Variants in PAFAH2 observed in about 807,000 individuals in gnomAD.
PAFAH2 encodes the protein platelet activating factor acetylhydrolase 2.
Under a neutral mutation model 49.0 loss-of-function variants are expected in PAFAH2, and 42 were observed. The ratio of observed to expected loss-of-function variants is 0.86; its 90% confidence interval spans 0.67 to 1.11. The LOEUF (loss-of-function observed/expected upper bound fraction) is 1.11. Among genes scored for constraint, PAFAH2 ranks in the 50% least tolerant of loss-of-function variants. The pLI, the probability that PAFAH2 is intolerant of heterozygous loss-of-function variation, is 0.00. For missense variants in PAFAH2, 503 were observed against 501.8 expected (o/e 1.00, Z -0.02); for synonymous variants, 184 against 181.3 (o/e 1.01, Z -0.12).
Position 25,976,665 on chromosome 1 carries a change from A to T in PAFAH2, c.758+17T>A. ...GGTGTATGGAGCTAAGCACAGCAAC[A>T]CTACTAGGAAACTCACCGAAATTGG... is the stretch of plus-strand genomic sequence containing the variant. On this transcript the variant is annotated intron_variant, in intron 8 of 10. Transcript: ENST00000374282. 6.3e-7 allele frequency: 1 copy of T among 1,586,204 alleles called. No homozygotes were observed. The highest frequency in any genetic ancestry group is 8.7e-7 in the Non-Finnish European group (1 of 1,154,408).
intron 10 of PAFAH2, among the ~76,000 whole-genome samples, chr1:25,963,287 T>A (rs1436034441): frequency 6.6e-6 from 1 of 152,198 alleles, no homozygotes; most frequent in Admixed American, 6.5e-5. Flanking sequence ...CACACTCTGT[T>A]CTTTGAGCTA....
chr1:25,980,611 T>TTTTATATATATA lies in PAFAH2; in HGVS notation c.666+1752_666+1753insTATATATATAAA, dbSNP rs369555868. On this transcript the variant is annotated intron_variant, in intron 7 of 10. Transcript: ENST00000374282. ...CGTGAGCCACCGCACTGGGCCATAT[T>TTTTATATATATA]TATATATATATATATATATATTTTA... is the stretch of plus-strand genomic sequence containing the variant. Among the ~76,000 whole-genome samples the TTTTATATATATA allele has an allele frequency of 5.3e-3, 395 of 74,198 alleles. 4 individuals carry two copies. Among genetic ancestry groups the TTTTATATATATA allele is most frequent in the African/African-American group, 0.011 (346 of 31,754 alleles). 48.7% of individuals were successfully genotyped at this position (74,198 alleles called of 152,430 possible). A position where few individuals can be genotyped will look rare whatever the true frequency, so the allele number is the denominator to read the frequency against.
intron 10 of PAFAH2, among the ~76,000 whole-genome samples, chr1:25,968,786 G>A (rs2049465812): frequency 1.3e-5 from 2 of 152,232 alleles, no homozygotes; most frequent in South Asian, 4.1e-4. Context: ...GTGGAGTGCA[G>A]TGGCACAATC....
At chr1:25,991,918 C>T (rs2049882068) in intron 1 of PAFAH2, among the ~76,000 whole-genome samples, 1 of 151,946 alleles carries the variant, frequency 6.6e-6, no homozygotes, top group Admixed American at 6.6e-5. Context: ...AAACAAAAGA[C>T]CCTGTTTTAC....
chr1:25,997,180 G>A (rs1012142916), intron 1 of PAFAH2, among the ~76,000 whole-genome samples: 1 of 152,182 alleles, frequency 6.6e-6, no homozygotes, highest in Non-Finnish European at 1.5e-5. Context: ...TTCAGACAAA[G>A]CTCTCTGAAG....
intron 10 of PAFAH2, 70 bp from the exon 11 acceptor site, chr1:25,962,153 A>G (rs1020116659): frequency 1.9e-5 from 24 of 1,267,484 alleles, no homozygotes; most frequent in Non-Finnish European, 2.7e-5. Context: ...GCTGACATGC[A>G]TTGAAGGGGT....
chr1:25,969,279 G>A (rs11247834), intron 10 of PAFAH2, among the ~76,000 whole-genome samples: 82,036 of 152,094 alleles, frequency 0.54, 25,138 homozygotes, highest in East Asian at 0.7. Context: ...TAAGATTAAA[G>A]GCAAACATTG....
At chr1:25,971,128 G>A (rs951620176) in intron 10 of PAFAH2, among the ~76,000 whole-genome samples, 6 of 152,082 alleles carry the variant, frequency 3.9e-5, no homozygotes, top group African/African-American at 1.4e-4. Flanking sequence ...AGTAGAGGAG[G>A]GTTACAAACT....
chr1:25,977,935 G>A (rs541368339), intron 7 of PAFAH2, among the ~76,000 whole-genome samples: 1 of 152,122 alleles, frequency 6.6e-6, no homozygotes, highest in South Asian at 2.1e-4. Flanking sequence ...CCAAAGCCAA[G>A]GGGAAGAGTG....
chr1:25,989,361 G>T, intron 3 of PAFAH2, 87 bp downstream of exon 3: 1 of 1,279,778 alleles, frequency 7.8e-7, no homozygotes, highest in Non-Finnish European at 1.0e-6. Flanking sequence ...GACACTGCAG[G>T]CTATAAGGTA....
At chr1:25,984,845 CTTTTTTTTTTT>C (rs34522205) in intron 4 of PAFAH2, among the ~76,000 whole-genome samples, 3 of 104,284 alleles carry the variant, frequency 2.9e-5, no homozygotes, top group Non-Finnish European at 5.5e-5. Flanking sequence ...AGAGAGATTT[CTTTTTTTTTTT>C]TTTTTTTTTT....
chr1:25,963,911 T>A (rs2049380925), intron 10 of PAFAH2, among the ~76,000 whole-genome samples: 1 of 152,146 alleles, frequency 6.6e-6, no homozygotes, highest in Admixed American at 6.6e-5. Flanking sequence ...GAGAGGAATG[T>A]TCTAGACAGA....
At chr1:25,981,141 A>C (rs768334606) in intron 7 of PAFAH2, among the ~76,000 whole-genome samples, 3 of 152,204 alleles carry the variant, frequency 2.0e-5, no homozygotes, top group African/African-American at 7.2e-5. Context: ...ATTAATTGGC[A>C]TAAGAAGATA....
At chr1:25,977,696 G>A (rs886325195) in intron 7 of PAFAH2, among the ~76,000 whole-genome samples, 1 of 150,334 alleles carries the variant, frequency 6.7e-6, no homozygotes, top group Non-Finnish European at 1.5e-5. Flanking sequence ...TGAATGGCTC[G>A]AAATGGTCAG....
At chr1:25,992,832 G>A (rs745375425) in intron 1 of PAFAH2, among the ~76,000 whole-genome samples, 4 of 152,144 alleles carry the variant, frequency 2.6e-5, no homozygotes, top group East Asian at 3.9e-4. Context: ...CTTATTCTCC[G>A]GTCAGTATTT....
chr1:25,979,763 T>C (rs1265283163), intron 7 of PAFAH2, among the ~76,000 whole-genome samples: 1 of 152,168 alleles, frequency 6.6e-6, no homozygotes, highest in African/African-American at 2.4e-5. Flanking sequence ...GTGCTGGGAT[T>C]ACAGGCGTGA....
At chr1:25,978,718 A>G (rs1377419109) in intron 7 of PAFAH2, among the ~76,000 whole-genome samples, 1 of 152,192 alleles carries the variant, frequency 6.6e-6, no homozygotes, top group Non-Finnish European at 1.5e-5. Flanking sequence ...AAATTTTGTG[A>G]GAGGGTAGAG....
At chr1:25,974,410 G>A in intron 9 of PAFAH2, 70 bp downstream of exon 9, 1 of 1,344,620 alleles carries the variant, frequency 7.4e-7, no homozygotes, top group South Asian at 1.6e-5. Flanking sequence ...GGGTAATCCA[G>A]AAGTTAAGGG....
chr1:25,976,682 C>A lies in PAFAH2; in HGVS notation c.758G>T (p.Arg253Leu). Residue 253 changes from arginine to leucine, a missense_variant and splice_region_variant, in exon 8 of 11, where the codon CGG becomes CTG. Arg to Leu is a moderately radical substitution (Grantham distance 102). Coordinates refer to ENST00000374282, the MANE Select transcript of PAFAH2 (RefSeq NM_000437.4). ...ACAGCAACACTACTAGGAAACTCAC[C>A]GAAATTGGGTCTCCTTGGCCAAAGC... ...ILALAKETQFRCAVALDAWMF... is the reference protein window; with the variant it reads ...ILALAKETQFLCAVALDAWMF... The A allele has an allele frequency of 1.9e-6, 3 of 1,612,312 alleles. No individual in the cohort carries two copies. Among genetic ancestry groups the A allele is most frequent in the Non-Finnish European group, 2.5e-6 (3 of 1,178,372 alleles).
Sources: allele counts gnomAD v4.1 joint callset (sites outside exome capture counted in the v4.1 genomes callset), GRCh38; gene constraint gnomAD v4.1.1; transcripts MANE v1.5; gene names NCBI Gene and HGNC (gene_info 2026-07-23, HGNC 2026-07-21).